The following BLTP3A variants were observed in gnomAD, a reference collection of about 807,000 sequenced individuals.
BLTP3A encodes the protein ICBP90 binding protein 1.
chr6:34,821,423 GTGGTCTGAGTGCATTTGTTCTGGC>G, the BLTP3A span: 3 of 377,076 alleles, frequency 8.0e-6, no homozygotes, highest in African/African-American at 2.1e-5. Context: ...TAGAGATGGT[GTGGTCTGAGTGCATTTGTTCTGGC>G]TGGTCTGAGT....
At chr6:34,823,542 T>TG in the BLTP3A span, among the ~76,000 whole-genome samples, 1 of 150,814 alleles carries the variant, frequency 6.6e-6, no homozygotes, top group African/African-American at 2.4e-5. Flanking sequence ...TTCTTCTGTT[T>TG]TTTTTTTTTT....
chr6:34,811,034 A>G, the BLTP3A span, among the ~76,000 whole-genome samples: 5 of 152,200 alleles, frequency 3.3e-5, no homozygotes, highest in Admixed American at 6.5e-5. Context: ...AGTTGTCACA[A>G]ATCTCCAAAA....
the BLTP3A span, chr6:34,835,168 A>G: frequency 1.8e-6 from 2 of 1,081,452 alleles, no homozygotes; most frequent in Non-Finnish European, 2.7e-6. Context: ...TTGTCTCTCC[A>G]AAGTGCTTGA....
the BLTP3A span, chr6:34,876,622 A>G: frequency 6.6e-6 from 1 of 152,232 alleles, no homozygotes; most frequent in South Asian, 2.1e-4. Context: ...ACATCTTGTT[A>G]TTTGAGAACA....
At chr6:34,823,288 CAT>C in the BLTP3A span, 20 of 1,613,988 alleles carry the variant, frequency 1.2e-5, no homozygotes, top group Admixed American at 1.7e-5. Flanking sequence ...GAGATGAAGA[CAT>C]GTGAGGATCC....
At chr6:34,858,802 G>A in the BLTP3A span, 3 of 1,614,090 alleles carry the variant, frequency 1.9e-6, no homozygotes, top group East Asian at 6.7e-5. Context: ...TGTAGCAGAT[G>A]TTCATATGCT....
chr6:34,795,500 C>T, the BLTP3A span, among the ~76,000 whole-genome samples: 4 of 151,254 alleles, frequency 2.6e-5, no homozygotes, highest in Admixed American at 2.0e-4. Context: ...TGGGTTCAAG[C>T]GATTCTCCTG....
At chr6:34,818,671 T>C in the BLTP3A span, among the ~76,000 whole-genome samples, 8 of 152,334 alleles carry the variant, frequency 5.3e-5, no homozygotes, top group South Asian at 2.1e-4. Flanking sequence ...TGAAGCTTCC[T>C]GTCGACCCCT....
chr6:34,852,369 C>T, the BLTP3A span, among the ~76,000 whole-genome samples: 3 of 152,134 alleles, frequency 2.0e-5, no homozygotes, highest in African/African-American at 7.2e-5. Flanking sequence ...TGGGTCCTTC[C>T]CTTCAAGGCA....
the BLTP3A span, chr6:34,823,123 T>C: frequency 1.4e-6 from 1 of 701,694 alleles, no homozygotes; most frequent in African/African-American, 1.8e-5. Flanking sequence ...TCAGTAAATA[T>C]TTATTGTCTG....
chr6:34,866,152 G>A, the BLTP3A span, among the ~76,000 whole-genome samples: 26 of 152,256 alleles, frequency 1.7e-4, no homozygotes, highest in East Asian at 1.5e-3. Flanking sequence ...AGTACCTCAC[G>A]CGTGTAATCC....
chr6:34,858,876 C>A, the BLTP3A span: 4 of 1,614,054 alleles, frequency 2.5e-6, no homozygotes, highest in Admixed American at 6.7e-5. Context: ...CTCTGCTTCG[C>A]CTGAAGGAGG....
chr6:34,827,195 C>A, the BLTP3A span, among the ~76,000 whole-genome samples: 1 of 152,004 alleles, frequency 6.6e-6, no homozygotes, highest in South Asian at 2.1e-4. Flanking sequence ...CCTGTAGTCC[C>A]AGCTACTCGG....
At chr6:34,838,456 A>G in the BLTP3A span, among the ~76,000 whole-genome samples, 11 of 152,118 alleles carry the variant, frequency 7.2e-5, no homozygotes, top group African/African-American at 2.4e-4. Flanking sequence ...AGGGTAAGAA[A>G]GGTAGTGAAA....
the BLTP3A span, among the ~76,000 whole-genome samples, chr6:34,794,999 G>T: frequency 6.6e-6 from 1 of 151,996 alleles, no homozygotes; most frequent in Admixed American, 6.6e-5. Flanking sequence ...ATGTTGGCGA[G>T]GATGGTCTCG....
the BLTP3A span, among the ~76,000 whole-genome samples, chr6:34,824,638 A>T: frequency 4.6e-5 from 7 of 150,898 alleles, no homozygotes; most frequent in African/African-American, 2.4e-5. Context: ...TTATCTCTAA[A>T]ATATATATAT....
chr6:34,794,472 C>T, the BLTP3A span, among the ~76,000 whole-genome samples: 1 of 152,188 alleles, frequency 6.6e-6, no homozygotes, highest in East Asian at 1.9e-4. Context: ...GACAATTTGA[C>T]ATAAGCTATA....
chr6:34,846,077 TCCCTCCCCTC>T, the BLTP3A span, among the ~76,000 whole-genome samples: 593 of 70,594 alleles, frequency 8.4e-3, 20 homozygotes, highest in African/African-American at 0.037. Flanking sequence ...CCATTTCTTT[TCCCTCCCCTC>T]CCCTCCCCTC....
chr6:34,819,364 G>T, the BLTP3A span, among the ~76,000 whole-genome samples: 2 of 140,358 alleles, frequency 1.4e-5, no homozygotes, highest in Admixed American at 1.6e-4. Context: ...TTTCTTACAG[G>T]AGAGAGGGTT....
Sources: gnomAD v4.1 joint callset for allele counts (sites outside exome capture counted in the v4.1 genomes callset) on GRCh38, gnomAD v4.1.1 for gene constraint, MANE v1.5 for transcripts, NCBI Gene and HGNC (gene_info 2026-07-23, HGNC 2026-07-21) for gene names.